Variants in PDE4D observed in about 807,000 individuals in gnomAD.
PDE4D encodes the protein 3',5'-cyclic-AMP phosphodiesterase 4D.
PDE4D carries 24 observed loss-of-function variants against 87.4 expected under a neutral mutation model. That is an observed-to-expected ratio of 0.27 (90% confidence interval 0.20 to 0.39). The LOEUF (loss-of-function observed/expected upper bound fraction) is 0.39. Ranked by LOEUF, PDE4D falls within the 10% of genes least tolerant of loss-of-function variation. The pLI, the probability that PDE4D is intolerant of heterozygous loss-of-function variation, is 1.00. For synonymous variants in PDE4D, 384 were observed against 383.2 expected, an observed-to-expected ratio of 1.00 and a Z score of -0.02; for missense variants, 714 against 1,041.0, an observed-to-expected ratio of 0.69 and a Z score of 4.32.
At chr5:59,233,265 C>T (rs1424687182) in intron 1 of PDE4D, among the ~76,000 whole-genome samples, 1 of 152,018 alleles carries the variant, frequency 6.6e-6, no homozygotes, top group Non-Finnish European at 1.5e-5. Flanking sequence ...ATTTATGTAA[C>T]AAAATATCCC....
In PDE4D at chr5:59,842,379, T is replaced by G. The variant is rs149946022; in HGVS notation, c.455+50789A>C. Among the ~76,000 whole-genome samples the G allele has an allele frequency of 8.9e-3, 1,349 of 152,132 alleles. 17 individuals are homozygous for G. Among genetic ancestry groups the G allele is most frequent in the Admixed American group, 0.014 (210 of 15,256 alleles). ...TAGTGTATTCCATGTGTAGAGTCTGTTTTCTATTCCTAAATCTACTGCCCT... is the reference window on the plus strand; with the variant it reads ...TAGTGTATTCCATGTGTAGAGTCTGGTTTCTATTCCTAAATCTACTGCCCT... On this transcript the variant is annotated intron_variant, in intron 1 of 14. Transcript: ENST00000340635.
At chr5:60,312,910 T>G (rs183893506) in intron 1 of PDE4D, among the ~76,000 whole-genome samples, 3 of 152,100 alleles carry the variant, frequency 2.0e-5, no homozygotes, top group African/African-American at 2.4e-5. Context: ...AGAATCTCTA[T>G]CTTATCAATA....
chr5:59,552,860 G>A (rs1041033238), intron 1 of PDE4D, among the ~76,000 whole-genome samples: 4 of 152,086 alleles, frequency 2.6e-5, no homozygotes, highest in South Asian at 4.1e-4. Context: ...TTTATCTACC[G>A]AAAAGTAAGA....
chr5:59,181,543 GATATATATAT>G (rs3061466), intron 4 of PDE4D, among the ~76,000 whole-genome samples: 75,148 of 118,874 alleles, frequency 0.63, 22,249 homozygotes, highest in Non-Finnish European at 0.68. Flanking sequence ...AAAGATGTCT[GATATATATAT>G]ATATATATAT....
At chr5:59,016,477 G>C (rs1169129675) in intron 6 of PDE4D, among the ~76,000 whole-genome samples, 1 of 143,198 alleles carries the variant, frequency 7.0e-6, no homozygotes, top group Non-Finnish European at 1.5e-5. Flanking sequence ...ATTCTAATAT[G>C]ACAGGTTTTT....
chr5:60,323,412 T>A (rs1299657374), intron 1 of PDE4D, among the ~76,000 whole-genome samples: 1 of 152,222 alleles, frequency 6.6e-6, no homozygotes, highest in African/African-American at 2.4e-5. Context: ...TTCCCCTGGC[T>A]TTTGTTTAAT....
chr5:60,071,227 C>G (rs1772684063), intron 2 of PDE4D, among the ~76,000 whole-genome samples: 1 of 151,696 alleles, frequency 6.6e-6, no homozygotes, highest in Non-Finnish European at 1.5e-5. Context: ...CTCTTTCTGC[C>G]TAATTTGGCC....
chr5:60,420,575 C>A (rs1278486551), intron 1 of PDE4D, among the ~76,000 whole-genome samples: 3 of 152,176 alleles, frequency 2.0e-5, no homozygotes, highest in African/African-American at 7.2e-5. Context: ...GAAATAAGAT[C>A]TCCATTCCAA....
intron 3 of PDE4D, among the ~76,000 whole-genome samples, chr5:59,939,173 C>T (rs1412646588): frequency 6.6e-6 from 1 of 152,144 alleles, no homozygotes; most frequent in Non-Finnish European, 1.5e-5. Flanking sequence ...ATGCAGTGTG[C>T]ACAAGAAATA....
intron 1 of PDE4D, among the ~76,000 whole-genome samples, chr5:59,473,286 A>C (rs895041228): frequency 2.6e-5 from 4 of 152,116 alleles, no homozygotes; most frequent in African/African-American, 7.2e-5. Flanking sequence ...TTTCTAATCA[A>C]AGCTTTAATT....
At chr5:59,839,192 C>T (rs1742598306) in intron 1 of PDE4D, among the ~76,000 whole-genome samples, 1 of 151,678 alleles carries the variant, frequency 6.6e-6, no homozygotes, top group Admixed American at 6.6e-5. Flanking sequence ...CATTAAAATG[C>T]AGCCTGGTGG....
chr5:59,768,302 T>C (rs370470516), intron 1 of PDE4D: 2 of 1,598,230 alleles, frequency 1.3e-6, no homozygotes, highest in Non-Finnish European at 1.7e-6. Flanking sequence ...CTGAGAAGCA[T>C]TCTGCGCAGA....
intron 1 of PDE4D, among the ~76,000 whole-genome samples, chr5:60,459,404 A>T (rs1746745725): frequency 6.6e-6 from 1 of 152,056 alleles, no homozygotes; most frequent in South Asian, 2.1e-4. Flanking sequence ...TTCTTTTTTT[A>T]AACAAGAGAA....
chr5:60,138,594 G>C (rs1012479705), intron 2 of PDE4D, among the ~76,000 whole-genome samples: 7 of 151,674 alleles, frequency 4.6e-5, no homozygotes, highest in African/African-American at 1.7e-4. Context: ...AACATACATA[G>C]AAGTTTAAAT....
chr5:60,118,886 A>G (rs1303787509), intron 2 of PDE4D, among the ~76,000 whole-genome samples: 1 of 152,040 alleles, frequency 6.6e-6, no homozygotes, highest in Non-Finnish European at 1.5e-5. Flanking sequence ...ATATTATAAC[A>G]TGTTTCCCCA....
intron 1 of PDE4D, among the ~76,000 whole-genome samples, chr5:59,367,666 T>G (rs1783282259): frequency 6.6e-6 from 1 of 152,234 alleles, no homozygotes; most frequent in South Asian, 2.1e-4. Flanking sequence ...ATACACATCA[T>G]TTAACACCTA....
chr5:59,658,249 A>G (rs2150272117), intron 1 of PDE4D, among the ~76,000 whole-genome samples: 1 of 152,324 alleles, frequency 6.6e-6, no homozygotes, highest in Non-Finnish European at 1.5e-5. Context: ...TAGATTAAAA[A>G]AAAACCATGA....
At chr5:58,985,855 T>C (rs556482731) in intron 11 of PDE4D, among the ~76,000 whole-genome samples, 3 of 152,254 alleles carry the variant, frequency 2.0e-5, no homozygotes, top group African/African-American at 4.8e-5. Flanking sequence ...TACAAGTTAT[T>C]AGAAGGATTC....
At chr5:59,277,220 T>A (rs1764989053) in intron 1 of PDE4D, among the ~76,000 whole-genome samples, 1 of 152,108 alleles carries the variant, frequency 6.6e-6, no homozygotes, top group Non-Finnish European at 1.5e-5. Flanking sequence ...CTTCATCTGC[T>A]CCCCTGGTCA....
Sources: gnomAD v4.1 joint callset for allele counts (sites outside exome capture counted in the v4.1 genomes callset) on GRCh38, gnomAD v4.1.1 for gene constraint, MANE v1.5 for transcripts, NCBI Gene and HGNC (gene_info 2026-07-23, HGNC 2026-07-21) for gene names.